Variants in TMEM233 observed in about 807,000 individuals in gnomAD.
The protein encoded by TMEM233 is dispanin subfamily B member 2.
A neutral mutation model predicts 11.2 loss-of-function variants in TMEM233; 6 were observed. That is an observed-to-expected ratio of 0.54 (90% CI 0.29 to 1.06). The LOEUF (loss-of-function observed/expected upper bound fraction) is 1.06, where lower values mean the gene tolerates loss of function less well. TMEM233 is among the 50% of genes least tolerant of loss of function. The pLI is 0.08. For synonymous variants in TMEM233, 59 were observed against 55.8 expected, an observed-to-expected ratio of 1.06 and a Z score of -0.26; for missense variants, 127 against 144.7, an observed-to-expected ratio of 0.88 and a Z score of 0.63.
intron 2 of TMEM233, among the ~76,000 whole-genome samples, chr12:119,640,185 T>C (rs981959334): frequency 6.6e-6 from 1 of 152,100 alleles, no homozygotes; most frequent in African/African-American, 2.4e-5. Context: ...GATGGAGTCT[T>C]GCTCAGTCGC....
chr12:119,593,785 G>A lies in TMEM233; in HGVS notation c.-64G>A. The A allele has an allele frequency of 6.8e-7, 1 of 1,480,442 alleles. No individual in the cohort carries two copies. Among genetic ancestry groups the A allele is most frequent in the Non-Finnish European group, 9.0e-7 (1 of 1,105,146 alleles). The allele number at this position is 1,480,442 out of a possible 1,614,324, so 91.7% of individuals were successfully genotyped here. ...TTCAGAGCCTCGCCACAAGCCGGCG[G>A]CCAGAGCCCCAGACCACACAGACCG... On this transcript the variant is annotated 5_prime_UTR_variant, in exon 1 of 3. Coordinates refer to ENST00000426426, the MANE Select transcript of TMEM233 (RefSeq NM_001136534.3). This position sits in a 1 kb window ranked among gnomAD's most constrained non-coding sequence, Gnocchi z 4.1.
chr12:119,624,919 C>T (rs1157545372), intron 1 of TMEM233, among the ~76,000 whole-genome samples: 1 of 152,206 alleles, frequency 6.6e-6, no homozygotes, highest in East Asian at 1.9e-4. Context: ...ATCAGAATCT[C>T]TCCATGATAG....
intron 2 of TMEM233, chr12:119,631,460 CAAAAG>C: frequency 1.0e-6 from 1 of 981,506 alleles, no homozygotes. Context: ...AGAAGTGTCA[CAAAAG>C]AAAATTAAAT....
chr12:119,636,302 C>T (rs1954968327), intron 2 of TMEM233, among the ~76,000 whole-genome samples: 1 of 152,186 alleles, frequency 6.6e-6, no homozygotes, highest in African/African-American at 2.4e-5. Flanking sequence ...ACAAAAGATT[C>T]TCCTAGTACC....
At chr12:119,622,218 A>C (rs1015965304) in intron 1 of TMEM233, among the ~76,000 whole-genome samples, 1 of 152,212 alleles carries the variant, frequency 6.6e-6, no homozygotes, top group African/African-American at 2.4e-5. Context: ...TTTTCTTTTC[A>C]TATTATTCAT....
intron 2 of TMEM233, 133 bp downstream of exon 2, chr12:119,630,005 A>C (rs1243419065): frequency 9.1e-7 from 1 of 1,098,006 alleles, no homozygotes. Context: ...TTCTTCTCAG[A>C]ATAAATTTGT....
downstream of TMEM233, among the ~76,000 whole-genome samples, chr12:119,645,038 G>A (rs780318135): frequency 1.3e-5 from 2 of 152,144 alleles, no homozygotes; most frequent in Non-Finnish European, 2.9e-5. Context: ...GAACACACTG[G>A]CTGTACTAAA....
the TMEM233 span, among the ~76,000 whole-genome samples, chr12:119,649,854 T>TAAAAAAAA: frequency 5.5e-4 from 50 of 91,314 alleles, 2 homozygotes; most frequent in African/African-American, 1.6e-3. Context: ...GTTTAACTAT[T>TAAAAAAAA]AAAAAAAAAA....
rs992540232 is a variant in TMEM233, at chr12:119,629,888, G to T, written c.323+16G>T. The T allele has an allele frequency of 6.5e-7, 1 of 1,547,734 alleles. No homozygotes were observed. The highest frequency in any genetic ancestry group is 1.2e-5 in the South Asian group (1 of 83,386). On this transcript the variant is annotated intron_variant, in intron 2 of 2. Transcript: ENST00000426426. ...TCACAAGGAAGTAAGTAGGCTTTTT[G>T]AATCCCTCCCCATGTCAAACGCCCT...
intron 1 of TMEM233, among the ~76,000 whole-genome samples, chr12:119,619,736 T>C (rs1644882887): frequency 6.6e-6 from 1 of 151,930 alleles, no homozygotes; most frequent in South Asian, 2.1e-4. Flanking sequence ...TTTTAAAATA[T>C]TTTTTGAAGA....
At chr12:119,645,821 G>A (rs190279270), downstream of TMEM233, among the ~76,000 whole-genome samples, 10 of 152,220 alleles carry the variant, frequency 6.6e-5, no homozygotes, top group Admixed American at 5.9e-4. Flanking sequence ...GTCTGCTCCT[G>A]GAACTGTGAC....
intron 1 of TMEM233, among the ~76,000 whole-genome samples, chr12:119,616,323 C>T (rs1954532152): frequency 6.6e-6 from 1 of 152,196 alleles, no homozygotes; most frequent in Non-Finnish European, 1.5e-5. Context: ...ATTCTTAGAA[C>T]ATTAGACTAT....
At chr12:119,616,964 G>A (rs1459229725) in intron 1 of TMEM233, among the ~76,000 whole-genome samples, 1 of 152,198 alleles carries the variant, frequency 6.6e-6, no homozygotes, top group Non-Finnish European at 1.5e-5. Context: ...GTGGAACTGT[G>A]AGTCAATTAA....
At chr12:119,652,878 G>A in the TMEM233 span, among the ~76,000 whole-genome samples, 1 of 152,004 alleles carries the variant, frequency 6.6e-6, no homozygotes, top group African/African-American at 2.4e-5. Context: ...AACCCAGAGG[G>A]GTCACAAATT....
At chr12:119,640,180 A>G (rs939879034) in intron 2 of TMEM233, among the ~76,000 whole-genome samples, 5 of 149,220 alleles carry the variant, frequency 3.4e-5, no homozygotes, top group Non-Finnish European at 6.0e-5. Context: ...TTTGAGATGG[A>G]GTCTTGCTCA....
At position 119,595,654 on chromosome 12, in the gene TMEM233, C is replaced by A. The variant is rs1247386798; in HGVS notation, c.186+1620C>A. On this transcript the variant is annotated intron_variant, in intron 1 of 2. Transcript: ENST00000426426. The surrounding 1 kb of genome is among the most constrained non-coding windows in gnomAD (Gnocchi z 4.3). ...TTGGGGTTGTTGGGAGCATTCATGA[C>A]ATAAATAATTGTAAAGTGCTTAGAA... is the stretch of plus-strand genomic sequence containing the variant. 1.3e-5 allele frequency among the ~76,000 whole-genome samples: 2 copies of A among 152,176 alleles called. No homozygotes were observed. The highest frequency in any genetic ancestry group is 2.9e-5 in the Non-Finnish European group (2 of 68,034).
rs142388392 is a variant in TMEM233, at chr12:119,630,523, A to G, written c.323+651A>G. The stretch of plus-strand genomic sequence containing the variant: ...CTGCCATTTTAGCACAAAAGCAGCC[A>G]TAGACAATATAGAAATGAACAGGCG... On this transcript the variant is annotated intron_variant, in intron 2 of 2. Coordinates refer to ENST00000426426, the MANE Select transcript of TMEM233 (RefSeq NM_001136534.3). Among the ~76,000 whole-genome samples the G allele has an allele frequency of 5.8e-3, 886 of 152,354 alleles. 2 individuals carry two copies. The highest frequency in any genetic ancestry group is 0.011 in the South Asian group (55 of 4,824).
chr12:119,605,000 T>C (rs3078406), intron 1 of TMEM233, among the ~76,000 whole-genome samples: 34 of 93,470 alleles, frequency 3.6e-4, no homozygotes, highest in Non-Finnish European at 5.2e-4. Flanking sequence ...CTCACTATCT[T>C]TTTTTTTTTT....
downstream of TMEM233, among the ~76,000 whole-genome samples, chr12:119,646,355 G>A (rs533560227): frequency 1.3e-5 from 2 of 152,204 alleles, no homozygotes; most frequent in Non-Finnish European, 2.9e-5. Context: ...CACGGCACCA[G>A]TCCTACAGTA....
Sources: gnomAD v4.1 joint callset for allele counts (sites outside exome capture counted in the v4.1 genomes callset) on GRCh38, gnomAD v4.1.1 for gene constraint, Gnocchi (gnomAD v3.1) non-coding constraint, MANE v1.5 for transcripts, NCBI Gene and HGNC (gene_info 2026-07-23, HGNC 2026-07-21) for gene names.